The following CDH11 variants were observed in gnomAD, a reference collection of about 807,000 sequenced individuals.
The protein encoded by CDH11 is cadherin 11, also known as cadherin-11.
Under a neutral mutation model 67.8 loss-of-function variants are expected in CDH11, and 11 were observed. The observed-to-expected ratio is 0.16, with a 90% CI of 0.10 to 0.27. The LOEUF (loss-of-function observed/expected upper bound fraction) is 0.27, where lower values mean the gene tolerates loss of function less well. CDH11 is among the 10% of genes least tolerant of loss of function. The probability of loss-of-function intolerance (pLI) is 1.00; values close to 1 mark genes in which losing one functional copy is unlikely to be tolerated. For missense variants in CDH11, 847 were observed against 1,031.2 expected (o/e 0.82, Z 2.45); for synonymous variants, 419 against 400.0 (o/e 1.05, Z -0.57).
At chr16:65,049,207 A>C (rs1488213575) in intron 2 of CDH11, among the ~76,000 whole-genome samples, 1 of 152,170 alleles carries the variant, frequency 6.6e-6, no homozygotes, top group Non-Finnish European at 1.5e-5. Context: ...AAAATAAAAA[A>C]ACTCAAGTAG....
intron 1 of CDH11, among the ~76,000 whole-genome samples, chr16:65,083,807 G>A (rs2074650970): frequency 6.6e-6 from 1 of 152,150 alleles, no homozygotes; most frequent in Non-Finnish European, 1.5e-5. Context: ...AGTAGTCTTA[G>A]CAATAAATAA....
chr16:65,082,944 C>A (rs535207385), intron 1 of CDH11, among the ~76,000 whole-genome samples: 39 of 152,180 alleles, frequency 2.6e-4, no homozygotes, highest in South Asian at 6.2e-4. Flanking sequence ...GGGGATCACA[C>A]GAGAAGGCAC....
At chr16:65,027,136 G>C (rs1301395261) in intron 2 of CDH11, among the ~76,000 whole-genome samples, 1 of 152,082 alleles carries the variant, frequency 6.6e-6, no homozygotes, top group Non-Finnish European at 1.5e-5. Context: ...CCATTACTTG[G>C]CTACCGCTCA....
intron 2 of CDH11, among the ~76,000 whole-genome samples, chr16:65,036,787 T>A (rs543488686): frequency 2.0e-5 from 3 of 152,266 alleles, no homozygotes; most frequent in African/African-American, 7.2e-5. Context: ...CAGCTCCCAA[T>A]GGAAGATACA....
rs2073549934 is a variant in CDH11, at chr16:65,027,135, G to A, written c.-172-22094C>T. Among the ~76,000 whole-genome samples the A allele has an allele frequency of 1.3e-5, 2 of 152,096 alleles. 1 individual carries two copies. Among genetic ancestry groups the A allele is most frequent in the South Asian group, 4.1e-4 (2 of 4,820 alleles). On this transcript the variant is annotated intron_variant, in intron 2 of 12. Transcript: ENST00000268603. ...CTGATAGAAAGAGCAGCCATTACTT[G>A]GCTACCGCTCACAACACCAGCCACT... is the stretch of plus-strand genomic sequence containing the variant.
intron 2 of CDH11, among the ~76,000 whole-genome samples, chr16:65,017,150 G>C (rs996920559): frequency 2.0e-5 from 3 of 152,258 alleles, no homozygotes; most frequent in African/African-American, 7.2e-5. Flanking sequence ...TGTATCTTGT[G>C]AAATCAGTCC....
intron 8 of CDH11, among the ~76,000 whole-genome samples, chr16:64,974,510 C>A (rs976148148): frequency 4.6e-5 from 7 of 152,146 alleles, no homozygotes; most frequent in African/African-American, 1.7e-4. Context: ...CTTCTAATCC[C>A]AGATCATGTT....
rs540851129 is a variant in CDH11, at chr16:64,996,213, G to T, written c.523+2349C>A. Among the ~76,000 whole-genome samples, 19 of 152,288 alleles carry T rather than the reference G, an allele frequency of 1.2e-4. No homozygotes were observed. The South Asian group carries it at 2.1e-3, about 17-fold the overall frequency. On this transcript the variant is annotated intron_variant, in intron 4 of 12. Transcript: ENST00000268603. ...AAAACAGAATTACAATTCAAGGCTG[G>T]GCACGGTGGCTTATGCCTGTAATCC...
rs2071219600 is a variant in CDH11 at position 64,947,331 on chromosome 16, TCTC to T, written c.*269_*271del. 12 of 1,227,126 alleles carry T rather than the reference TCTC, an allele frequency of 9.8e-6. No individual in the cohort carries two copies. The highest frequency in any genetic ancestry group is 6.1e-5 in the African/African-American group (4 of 66,034). 76.0% of individuals were successfully genotyped at this position (1,227,126 alleles called of 1,614,324 possible). The stretch of plus-strand genomic sequence containing the variant: ...TTCATTGTCAGTTCAGCGTTAGACT[TCTC>T]CTTCACTTAAATATTTTGTATGCCA... On this transcript the variant is annotated 3_prime_UTR_variant, in exon 13 of 13. Transcript: ENST00000268603.
Position 65,111,674 on chromosome 16 carries a change from A to AACACACACACACACAC in CDH11, c.-298+10190_-298+10205dup, listed in dbSNP as rs71143552. Among the ~76,000 whole-genome samples, 785 of 140,706 alleles carry AACACACACACACACAC rather than the reference A, an allele frequency of 5.6e-3. 5 individuals carry two copies. Among genetic ancestry groups the AACACACACACACACAC allele is most frequent in the African/African-American group, 0.015 (551 of 37,474 alleles). The allele number at this position is 140,706 out of a possible 152,430, so 92.3% of individuals were successfully genotyped here. ...GTCCTTTCCTCTGAGGAAAGCTAGA[A>AACACACACACACACAC]ACACACACACACACACACACACACA... On this transcript the variant is annotated intron_variant, in intron 1 of 12. Coordinates refer to ENST00000268603, the MANE Select transcript of CDH11 (RefSeq NM_001797.4).
At chr16:64,962,081 G>A (rs1036161959) in intron 11 of CDH11, among the ~76,000 whole-genome samples, 5 of 152,040 alleles carry the variant, frequency 3.3e-5, no homozygotes, top group African/African-American at 1.2e-4. Flanking sequence ...TGAAAAACAA[G>A]TATTTTAAAA....
chr16:65,069,477 A>G (rs2074377505), intron 1 of CDH11, among the ~76,000 whole-genome samples: 1 of 152,070 alleles, frequency 6.6e-6, no homozygotes, highest in South Asian at 2.1e-4. Flanking sequence ...TTCATGACAC[A>G]TGGAGTACCT....
At chr16:65,123,290 G>C (rs1272707702), upstream of CDH11, among the ~76,000 whole-genome samples, 1 of 152,036 alleles carries the variant, frequency 6.6e-6, no homozygotes, top group Admixed American at 6.5e-5. Context: ...AGACGCCAGT[G>C]GGTGAAGGCT....
At chr16:65,032,480 G>A (rs570304484) in intron 2 of CDH11, among the ~76,000 whole-genome samples, 103 of 151,940 alleles carry the variant, frequency 6.8e-4, no homozygotes, top group Non-Finnish European at 9.1e-4. Flanking sequence ...ACAGGATGAG[G>A]AAAAAGAGAC....
At chr16:64,987,996 A>G (rs2072528286) in intron 7 of CDH11, 161 bp downstream of exon 7, 2 of 559,456 alleles carry the variant, frequency 3.6e-6, no homozygotes, top group African/African-American at 3.8e-5. Context: ...AAGGAATACA[A>G]TTCTGTGATC....
chr16:64,948,862 C>T, intron 12 of CDH11: 3 of 1,019,322 alleles, frequency 2.9e-6, no homozygotes, highest in East Asian at 2.6e-5. Flanking sequence ...CCCTCTTTTC[C>T]CCAAGAGGCT....
intron 11 of CDH11, among the ~76,000 whole-genome samples, chr16:64,965,686 A>T (rs947239028): frequency 4.0e-5 from 6 of 151,876 alleles, no homozygotes; most frequent in Non-Finnish European, 7.4e-5. Flanking sequence ...GGTGATAGGC[A>T]TTTTTCAGGT....
chr16:65,048,561 G>T (rs2074001812), intron 2 of CDH11, among the ~76,000 whole-genome samples: 1 of 151,842 alleles, frequency 6.6e-6, no homozygotes, highest in Non-Finnish European at 1.5e-5. Context: ...ACATATATAT[G>T]TGTGTGTAAA....
rs536764799 is a variant in CDH11 at position 64,953,186 on chromosome 16, G to C, written c.1643-2168C>G. On this transcript the variant is annotated intron_variant, in intron 11 of 12. Transcript: ENST00000268603. ...CCCCAAATATATTTGATGTTTGGTT[G>C]GCTGAATTCACAAATGTGGAACCCA... is the stretch of plus-strand genomic sequence containing the variant. Among the ~76,000 whole-genome samples the C allele has an allele frequency of 3.3e-5, 5 of 151,682 alleles. No homozygotes were observed. In the South Asian group the frequency reaches 1.0e-3, roughly 32 times the overall value.
Sources: gnomAD v4.1 joint callset for allele counts (sites outside exome capture counted in the v4.1 genomes callset) on GRCh38, gnomAD v4.1.1 for gene constraint, MANE v1.5 for transcripts, NCBI Gene and HGNC (gene_info 2026-07-23, HGNC 2026-07-21) for gene names.